The following OPRM1 variants were observed in gnomAD, a reference collection of about 807,000 sequenced individuals.
OPRM1 encodes the protein mu-type opioid receptor.
OPRM1 carries 27 observed loss-of-function variants against 31.8 expected under a neutral mutation model. That is an observed-to-expected ratio of 0.85 (90% CI 0.63 to 1.17). The LOEUF (loss-of-function observed/expected upper bound fraction) is 1.17, where lower values mean the gene tolerates loss of function less well. Ranked by LOEUF, OPRM1 falls within the 50% of genes most tolerant of loss-of-function variation. The pLI, the probability that OPRM1 is intolerant of heterozygous loss-of-function variation, is 0.00. For synonymous variants in OPRM1, 196 were observed against 189.9 expected (o/e 1.03, Z -0.26); for missense variants, 536 against 511.1 (o/e 1.05, Z -0.47).
intron 3 of OPRM1, among the ~76,000 whole-genome samples, chr6:154,174,841 C>A (rs1800182256): frequency 6.6e-6 from 1 of 152,206 alleles, no homozygotes; most frequent in Admixed American, 6.5e-5. Context: ...ATCTACAGAA[C>A]TCTCCACCCA....
chr6:154,146,282 C>G (rs1346969357), intron 3 of OPRM1, among the ~76,000 whole-genome samples: 2 of 152,196 alleles, frequency 1.3e-5, no homozygotes, highest in Non-Finnish European at 2.9e-5. Context: ...CGCCTGTGAT[C>G]TCAGCTACTC....
chr6:154,031,482 C>T (rs982754422), intron 1 of OPRM1, among the ~76,000 whole-genome samples: 12 of 152,096 alleles, frequency 7.9e-5, no homozygotes, highest in African/African-American at 1.2e-4. Flanking sequence ...CGCCTGTAAT[C>T]CTAGCACTTT....
rs1022020894 is a variant in OPRM1, at chr6:154,131,119, A to G, written c.*12398A>G. Among the ~76,000 whole-genome samples, 2 of 152,158 alleles carry G rather than the reference A, an allele frequency of 1.3e-5. No homozygotes were observed. Among genetic ancestry groups the G allele is most frequent in the Admixed American group, 6.6e-5 (1 of 15,266 alleles). ...TAACATTAATGACACATTTTTTGCT[A>G]TCCAAATATAATTTCCACTAGAAAA... is the stretch of plus-strand genomic sequence containing the variant. On this transcript the variant is annotated 3_prime_UTR_variant, in exon 4 of 4. Coordinates refer to ENST00000330432, the MANE Select transcript of OPRM1 (RefSeq NM_000914.5).
At chr6:154,066,805 T>C (rs1285425031) in intron 1 of OPRM1, among the ~76,000 whole-genome samples, 2 of 152,190 alleles carry the variant, frequency 1.3e-5, no homozygotes, top group African/African-American at 2.4e-5. Flanking sequence ...TGATTTTCAA[T>C]TGACCAGCCT....
intron 3 of OPRM1, among the ~76,000 whole-genome samples, chr6:154,164,767 G>A (rs1434650343): frequency 6.6e-6 from 1 of 152,088 alleles, no homozygotes; most frequent in Non-Finnish European, 1.5e-5. Flanking sequence ...AGTTTCAGTT[G>A]GACCCATTAA....
At chr6:154,088,675 T>C (rs562755332) in intron 1 of OPRM1, among the ~76,000 whole-genome samples, 1 of 152,362 alleles carries the variant, frequency 6.6e-6, no homozygotes, top group Admixed American at 6.5e-5. Flanking sequence ...TATACTTTAA[T>C]TATGCGTTAT....
At chr6:154,029,934 T>A (rs1778915131) in intron 1 of OPRM1, among the ~76,000 whole-genome samples, 2 of 152,266 alleles carry the variant, frequency 1.3e-5, no homozygotes, top group Non-Finnish European at 1.5e-5. Flanking sequence ...CATGTTGAAC[T>A]GTGAGTCCTC....
At chr6:154,245,321 G>A (rs1407696788) in intron 3 of OPRM1, among the ~76,000 whole-genome samples, 1 of 152,076 alleles carries the variant, frequency 6.6e-6, no homozygotes, top group Non-Finnish European at 1.5e-5. Flanking sequence ...AACCCAAAGA[G>A]GAGCTTTGTG....
rs582924 is a variant in OPRM1, at chr6:154,125,643, C to G, written c.*6922C>G. Among the ~76,000 whole-genome samples, 101,703 of 152,036 alleles carry G rather than the reference C, an allele frequency of 0.67. 34,349 individuals are homozygous for G. Among genetic ancestry groups the G allele is most frequent in the East Asian group, 0.9 (4,651 of 5,178 alleles). ...TGGTTTCCAATATTACCTACAACTT[C>G]CTTTGCAATTTGATTTTTGAAAGGA... On this transcript the variant is annotated 3_prime_UTR_variant, in exon 4 of 4. Transcript: ENST00000330432.
chr6:154,152,390 A>AGAGAGAAAGAGAG (rs1798559728), intron 3 of OPRM1, among the ~76,000 whole-genome samples: 2 of 126,198 alleles, frequency 1.6e-5, no homozygotes, highest in African/African-American at 6.1e-5. Context: ...GAAAGAAAGA[A>AGAGAGAAAGAGAG]AGAGAAATAG....
chr6:154,235,763 A>G (rs1342021933), intron 3 of OPRM1, among the ~76,000 whole-genome samples: 1 of 152,214 alleles, frequency 6.6e-6, no homozygotes, highest in Non-Finnish European at 1.5e-5. Context: ...CCAAGAAGAT[A>G]TGGAAATGGC....
chr6:154,125,033 A>G lies in OPRM1; in HGVS notation c.*6312A>G, dbSNP rs1191724074. On this transcript the variant is annotated 3_prime_UTR_variant, in exon 4 of 4. Coordinates refer to ENST00000330432, the MANE Select transcript of OPRM1 (RefSeq NM_000914.5). ...CCAAGCACAAGCAGCTACATTAGAC[A>G]GTTTTACAGCTCTGTATTTCAGGAA... 6.6e-6 allele frequency among the ~76,000 whole-genome samples: 1 copy of G among 152,088 alleles called. No homozygotes were observed. Among genetic ancestry groups the G allele is most frequent in the African/African-American group, 2.4e-5 (1 of 41,334 alleles).
intron 3 of OPRM1, among the ~76,000 whole-genome samples, chr6:154,109,833 T>TGTGTGTGTGTGTG (rs1796154406): frequency 6.8e-6 from 1 of 146,238 alleles, no homozygotes; most frequent in African/African-American, 2.5e-5. Flanking sequence ...TGTGTGTGTG[T>TGTGTGTGTGTGTG]TGCATACATA....
chr6:154,043,228 A>G (rs773760319), intron 1 of OPRM1, among the ~76,000 whole-genome samples: 1 of 152,198 alleles, frequency 6.6e-6, no homozygotes, highest in African/African-American at 2.4e-5. Context: ...CTTCATTTTT[A>G]AGATTATTTC....
At chr6:154,023,089 T>C (rs1339620975) in intron 1 of OPRM1, among the ~76,000 whole-genome samples, 1 of 152,214 alleles carries the variant, frequency 6.6e-6, no homozygotes, top group Non-Finnish European at 1.5e-5. Flanking sequence ...CTGTGAAGAA[T>C]GTCATTGGGA....
chr6:154,029,476 CAAATA>C (rs983052369), intron 1 of OPRM1, among the ~76,000 whole-genome samples: 1 of 152,026 alleles, frequency 6.6e-6, no homozygotes, highest in African/African-American at 2.4e-5. Context: ...CTTTAAACCA[CAAATA>C]AAATAATATG....
chr6:154,068,281 A>G (rs976379489), intron 1 of OPRM1, among the ~76,000 whole-genome samples: 10 of 152,174 alleles, frequency 6.6e-5, no homozygotes, highest in African/African-American at 2.4e-4. Context: ...AATATTAACT[A>G]TAGTCACCAT....
rs532983289 is a variant in OPRM1 at position 154,144,722 on chromosome 6, T to C, written c.1164+53250T>C. Among the ~76,000 whole-genome samples the C allele has an allele frequency of 9.3e-3, 1,148 of 123,342 alleles. 22 individuals carry two copies. Among genetic ancestry groups the C allele is most frequent in the African/African-American group, 0.036 (1,115 of 31,024 alleles). 80.9% of individuals were successfully genotyped at this position (123,342 alleles called of 152,430 possible). A position where few individuals can be genotyped will look rare whatever the true frequency, so the allele number is the denominator to read the frequency against. On this transcript the variant is annotated intron_variant, in intron 3 of 3. Coordinates refer to the OPRM1 transcript ENST00000337049. ...GAGATCGCGCCATTGCACTCCAGCC[T>C]GAGCAACAAGAGCGAGACTCTGTCT... is the stretch of plus-strand genomic sequence containing the variant.
chr6:154,193,313 G>C (rs1802098313), intron 3 of OPRM1, among the ~76,000 whole-genome samples: 1 of 152,174 alleles, frequency 6.6e-6, no homozygotes, highest in South Asian at 2.1e-4. Flanking sequence ...TGGGAGCTAA[G>C]CTATGAGGAT....
Sources: allele counts gnomAD v4.1 joint callset (sites outside exome capture counted in the v4.1 genomes callset), GRCh38; gene constraint gnomAD v4.1.1; transcripts MANE v1.5; gene names NCBI Gene and HGNC (gene_info 2026-07-23, HGNC 2026-07-21).